RPTOR: variants seen among roughly 807,000 people sequenced by gnomAD.
RPTOR encodes the protein regulatory-associated protein of mTOR.
A neutral mutation model predicts 169.9 loss-of-function variants in RPTOR; 21 were observed. That is an observed-to-expected ratio of 0.12 (90% CI 0.09 to 0.18). The LOEUF (loss-of-function observed/expected upper bound fraction) is 0.18, where lower values mean the gene tolerates loss of function less well. Among genes scored for constraint, RPTOR ranks in the 10% least tolerant of loss-of-function variants. The probability of loss-of-function intolerance (pLI) is 1.00; values close to 1 mark genes in which losing one functional copy is unlikely to be tolerated. For synonymous variants in RPTOR, 732 were observed against 753.2 expected (o/e 0.97, Z 0.46); for missense variants, 1,133 against 1,855.9 (o/e 0.61, Z 7.16).
chr17:80,597,172 C>T (rs1235278099), intron 1 of RPTOR, among the ~76,000 whole-genome samples: 4 of 152,140 alleles, frequency 2.6e-5, no homozygotes, highest in Non-Finnish European at 4.4e-5. Context: ...GCTCAAGCCT[C>T]GGCATTTGGC....
At chr17:80,895,326 G>A (rs1391248904) in intron 20 of RPTOR, among the ~76,000 whole-genome samples, 2 of 151,418 alleles carry the variant, frequency 1.3e-5, no homozygotes, top group Non-Finnish European at 2.9e-5. Flanking sequence ...CCAGCCCCAC[G>A]CCCCACCTGG....
rs2069402597 is a variant in RPTOR at position 80,964,676 on chromosome 17, C to T, written c.*346C>T. ...TCACTTTATTTCCATGTAATCAGAG[C>T]ATTAGCTGCAGAAAAACCCCCCGAC... On this transcript the variant is annotated 3_prime_UTR_variant, in exon 34 of 34. Transcript: ENST00000306801. The T allele has an allele frequency of 6.0e-6, 2 of 332,614 alleles. No homozygotes were observed. The highest frequency in any genetic ancestry group is 1.0e-4 in the South Asian group (2 of 19,084). The allele number at this position is 332,614 out of a possible 1,614,324, so 20.6% of individuals were successfully genotyped here.
chr17:80,816,811 G>A (rs1052510692), intron 7 of RPTOR, among the ~76,000 whole-genome samples: 3 of 152,186 alleles, frequency 2.0e-5, no homozygotes, highest in African/African-American at 7.2e-5. Flanking sequence ...CAGCTTCAGG[G>A]CCACATGGGT....
rs548648495 is a variant in RPTOR at position 80,746,298 on chromosome 17, C to T, written c.655-7712C>T. On this transcript the variant is annotated intron_variant, in intron 5 of 33. Coordinates refer to ENST00000306801, the MANE Select transcript of RPTOR (RefSeq NM_020761.3). The surrounding 1 kb of genome is among the most constrained non-coding windows in gnomAD (Gnocchi z 4.5). ...ACCGCCCCCACAGCGGTGCTTTCTGCGGGTGATCCCCACCGCCCCCACAGC... is the reference window on the plus strand; with the variant it reads ...ACCGCCCCCACAGCGGTGCTTTCTGTGGGTGATCCCCACCGCCCCCACAGC... Among the ~76,000 whole-genome samples, 191 of 143,430 alleles carry T rather than the reference C, an allele frequency of 1.3e-3. 2 individuals carry two copies. The highest frequency in any genetic ancestry group is 3.5e-3 in the Admixed American group (51 of 14,562). The allele number at this position is 143,430 out of a possible 152,430, so 94.1% of individuals were successfully genotyped here.
At chr17:80,661,702 C>T (rs546563179) in intron 3 of RPTOR, among the ~76,000 whole-genome samples, 1 of 152,236 alleles carries the variant, frequency 6.6e-6, no homozygotes, top group East Asian at 1.9e-4. Context: ...CCCACCACCC[C>T]CCGCCCCCTT....
At chr17:80,553,962 G>A (rs754205078) in intron 1 of RPTOR, among the ~76,000 whole-genome samples, 22 of 152,078 alleles carry the variant, frequency 1.4e-4, no homozygotes, top group Non-Finnish European at 2.5e-4. Context: ...GGCTGGTCTC[G>A]AACTCCTGAC....
intron 6 of RPTOR, among the ~76,000 whole-genome samples, chr17:80,778,600 C>T (rs1238021250): frequency 6.6e-6 from 1 of 152,142 alleles, no homozygotes; most frequent in African/African-American, 2.4e-5. Context: ...AGTTTGAGAC[C>T]AGCCTGGGCA....
Position 80,596,821 on chromosome 17 carries a change from C to T in RPTOR, c.163-28870C>T, listed in dbSNP as rs181208347. 2.0e-3 allele frequency among the ~76,000 whole-genome samples: 304 copies of T among 152,210 alleles called. 1 individual carries two copies. Among genetic ancestry groups the T allele is most frequent in the Non-Finnish European group, 3.2e-3 (218 of 68,012 alleles). ...GTGATCAGGAAGGGACTCACCACCA[C>T]GCCACAGGGTTGTCACATATTTTCC... On this transcript the variant is annotated intron_variant, in intron 1 of 33. Transcript: ENST00000306801.
At chr17:80,577,077 G>A (rs1445685740) in intron 1 of RPTOR, among the ~76,000 whole-genome samples, 5 of 150,882 alleles carry the variant, frequency 3.3e-5, no homozygotes, top group Non-Finnish European at 5.9e-5. Context: ...TTTTGCCCAG[G>A]CTGGAGTGCA....
At chr17:80,693,037 A>G (rs528201804) in intron 3 of RPTOR, among the ~76,000 whole-genome samples, 1 of 152,346 alleles carries the variant, frequency 6.6e-6, no homozygotes, top group South Asian at 2.1e-4. Context: ...TGTATGTTGT[A>G]CATGGTTTCT....
chr17:80,928,616 C>T (rs986296704), intron 24 of RPTOR, among the ~76,000 whole-genome samples: 1 of 152,148 alleles, frequency 6.6e-6, no homozygotes, highest in Non-Finnish European at 1.5e-5. Flanking sequence ...CGTACAGGTC[C>T]GTATGACTAG....
chr17:80,781,470 T>C (rs1432573196), intron 6 of RPTOR, among the ~76,000 whole-genome samples: 1 of 152,098 alleles, frequency 6.6e-6, no homozygotes, highest in Non-Finnish European at 1.5e-5. Context: ...AGGAAAAGGT[T>C]CCAAAATTTT....
At chr17:80,733,872 T>C (rs148117611) in intron 5 of RPTOR, among the ~76,000 whole-genome samples, 1 of 152,280 alleles carries the variant, frequency 6.6e-6, no homozygotes, top group South Asian at 2.1e-4. Flanking sequence ...AATATCCTTA[T>C]GCTTTTATTT....
At chr17:80,932,817 G>T in intron 24 of RPTOR, among the ~76,000 whole-genome samples, 1 of 152,146 alleles carries the variant, frequency 6.6e-6, no homozygotes, top group South Asian at 2.1e-4. Context: ...ACACATGCAC[G>T]TGCACACACA....
intron 1 of RPTOR, among the ~76,000 whole-genome samples, chr17:80,610,119 ATCCTCCTCTATCTCTGCG>A (rs2065259543): frequency 6.6e-6 from 1 of 151,734 alleles, no homozygotes; most frequent in South Asian, 2.1e-4. Context: ...TCCTTTCCTC[ATCCTCCTCTATCTCTGCG>A]TCCTCCTTTA....
At position 80,707,058 on chromosome 17, in the gene RPTOR, A is replaced by C. The variant is rs1316425356; in HGVS notation, c.349-783A>C. Among the ~76,000 whole-genome samples the C allele has an allele frequency of 1.3e-5, 2 of 152,092 alleles. No homozygotes were observed. The highest frequency in any genetic ancestry group is 6.5e-5 in the Admixed American group (1 of 15,268). ...TCAAGGCTATTGATTGTTCTCTGTC[A>C]GTTTTAGATTCTGCTCATTCAGGGT... On this transcript the variant is annotated intron_variant, in intron 3 of 33. Coordinates refer to ENST00000306801, the MANE Select transcript of RPTOR (RefSeq NM_020761.3). This position sits in a 1 kb window ranked among gnomAD's most constrained non-coding sequence, Gnocchi z 5.0.
intron 1 of RPTOR, among the ~76,000 whole-genome samples, chr17:80,594,367 C>T: frequency 6.6e-6 from 1 of 152,142 alleles, no homozygotes. Flanking sequence ...GCTGGGATTA[C>T]AGGCGTGAGC....
intron 1 of RPTOR, among the ~76,000 whole-genome samples, chr17:80,558,800 G>T (rs2084442496): frequency 6.6e-6 from 1 of 152,162 alleles, no homozygotes; most frequent in Non-Finnish European, 1.5e-5. Flanking sequence ...TGCCTGCCCA[G>T]CAATGCCCTC....
intron 24 of RPTOR, among the ~76,000 whole-genome samples, chr17:80,929,167 C>T (rs1446106803): frequency 1.3e-5 from 2 of 152,172 alleles, no homozygotes; most frequent in African/African-American, 4.8e-5. Flanking sequence ...TACTATACAA[C>T]CATTAAAATT....
Sources: allele counts gnomAD v4.1 joint callset (sites outside exome capture counted in the v4.1 genomes callset), GRCh38; gene constraint gnomAD v4.1.1; non-coding constraint Gnocchi (gnomAD v3.1); transcripts MANE v1.5; gene names NCBI Gene and HGNC (gene_info 2026-07-23, HGNC 2026-07-21).